The following SLC22A8 variants were observed in gnomAD, a reference collection of about 807,000 sequenced individuals.
SLC22A8 encodes solute carrier family 22 member 8, also known as organic anion transporter 3.
Under a neutral mutation model 48.4 loss-of-function variants are expected in SLC22A8, and 40 were observed. The ratio of observed to expected loss-of-function variants is 0.83; its 90% CI spans 0.64 to 1.08. The LOEUF (loss-of-function observed/expected upper bound fraction) is 1.08. SLC22A8 is among the 50% of genes least tolerant of loss of function. The probability of loss-of-function intolerance (pLI) is 0.00; values close to 1 mark genes in which losing one functional copy is unlikely to be tolerated. For missense variants in SLC22A8, 606 were observed against 699.0 expected (o/e 0.87, Z 1.50); for synonymous variants, 268 against 286.3 (o/e 0.94, Z 0.65).
intron 6 of SLC22A8, 91 bp downstream of exon 6, chr11:62,995,938 T>C: frequency 6.3e-7 from 1 of 1,580,880 alleles, no homozygotes. Context: ...TGGTATAGGC[T>C]GTGAGCCAGG....
At chr11:63,008,534 C>T (rs115634659) in intron 2 of SLC22A8, among the ~76,000 whole-genome samples, 5 of 152,256 alleles carry the variant, frequency 3.3e-5, no homozygotes, top group African/African-American at 9.6e-5. Flanking sequence ...ACTTAACCTC[C>T]GTGTGGCTCA....
rs983510050 is a variant in SLC22A8, at chr11:62,998,337, T to C, written c.761+584A>G. ...TGTTGGTAATGAGCTCTCTGCCCAC[T>C]CTGGGTCTCTGACCCAGGCACCTCC... On this transcript the variant is annotated intron_variant, in intron 5 of 10. Transcript: ENST00000336232. Among the ~76,000 whole-genome samples the C allele has an allele frequency of 3.9e-5, 6 of 152,148 alleles. No individual in the cohort carries two copies. The East Asian group carries it at 1.2e-3, about 29-fold the overall frequency.
chr11:62,993,329 G>A lies in SLC22A8; in HGVS notation c.1537C>T (p.Arg513Trp), dbSNP rs780060603. 28 of 1,613,718 alleles carry A rather than the reference G, an allele frequency of 1.7e-5. No individual in the cohort carries two copies. Among genetic ancestry groups the A allele is most frequent in the Middle Eastern group, 1.6e-4 (1 of 6,074 alleles). ...TIEDLENWSL[R>W]AKKPKQEPEV... ...GGCTCCTGCTTTGGCTTCTTTGCCC[G>A]CAGGGACCTAGGGACAGAGAGCTAA... The change falls in exon 11 of 11, where the codon CGG (arginine) becomes TGG (tryptophan). Residue 513 changes from arginine to tryptophan, a missense_variant. By Grantham distance (101) the Arg-to-Trp change is moderately radical. Transcript: ENST00000336232.
chr11:63,015,247 A>G (rs987234386), intron 1 of SLC22A8, among the ~76,000 whole-genome samples: 1 of 152,166 alleles, frequency 6.6e-6, no homozygotes, highest in Non-Finnish European at 1.5e-5. Flanking sequence ...ACACAAAGGT[A>G]TCTATGGGTA....
chr11:63,007,723 C>T (rs2086572284), intron 2 of SLC22A8, among the ~76,000 whole-genome samples: 1 of 152,198 alleles, frequency 6.6e-6, no homozygotes, highest in South Asian at 2.1e-4. Context: ...AACTCACTGC[C>T]ATGCCTTTCT....
chr11:63,000,940 A>G (rs2086486980), intron 2 of SLC22A8, 117 bp from the exon 3 acceptor site: 3 of 744,032 alleles, frequency 4.0e-6, no homozygotes, highest in African/African-American at 3.5e-5. Flanking sequence ...CTTTGCCCCT[A>G]CCTCCCAAGG....
rs1425206120 is a variant in SLC22A8, at chr11:62,993,523, A to C, written c.1430T>G (p.Ile477Ser). 2 of 1,614,070 alleles carry C rather than the reference A, an allele frequency of 1.2e-6. No individual in the cohort carries two copies. The highest frequency in any genetic ancestry group is 1.7e-6 in the Non-Finnish European group (2 of 1,180,034). The change falls in exon 10 of 11, where the codon ATC (isoleucine) becomes AGC (serine). Residue 477 changes from isoleucine to serine, a missense_variant. By Grantham distance (142) the Ile-to-Ser change is moderately radical. Coordinates refer to ENST00000336232, the MANE Select transcript of SLC22A8 (RefSeq NM_004254.4). The stretch of plus-strand genomic sequence containing the variant: ...CCCGAGGAGGGCGGTGATCCCGTAG[A>C]TGATATTGGGGATGAAGGGCTGTAC... ...GEVQPFIPNI[I>S]YGITALLGGS...
At chr11:63,013,041 C>CA (rs2086636665) in intron 2 of SLC22A8, among the ~76,000 whole-genome samples, 3 of 152,104 alleles carry the variant, frequency 2.0e-5, no homozygotes, top group Admixed American at 1.3e-4. Flanking sequence ...TGACCTCGAG[C>CA]AAGCTACTTA....
intron 6 of SLC22A8, 58 bp downstream of exon 6, chr11:62,995,971 C>A: frequency 6.2e-7 from 1 of 1,611,986 alleles, no homozygotes; most frequent in Non-Finnish European, 8.5e-7. Flanking sequence ...AGGGGAGGGG[C>A]CAGCCCAAGA....
rs563690874 is a variant in SLC22A8, at chr11:63,013,541, C to G, written c.333+1085G>C. On this transcript the variant is annotated intron_variant, in intron 2 of 10. Transcript: ENST00000336232. ...TCTGCTCACTGCTCAGACGCCACCT[C>G]CTCCATGAAGCCTCCCTTGAATCCA... 5.9e-5 allele frequency among the ~76,000 whole-genome samples: 9 copies of G among 152,294 alleles called. No individual in the cohort carries two copies. The South Asian group carries it at 1.5e-3, about 25-fold the overall frequency.
chr11:63,002,840 T>C (rs1195379200), intron 2 of SLC22A8, among the ~76,000 whole-genome samples: 1 of 152,224 alleles, frequency 6.6e-6, no homozygotes, highest in Non-Finnish European at 1.5e-5. Flanking sequence ...CTAAGCTCTT[T>C]CCATGTTTTA....
At chr11:63,006,383 G>T (rs61893812) in intron 2 of SLC22A8, among the ~76,000 whole-genome samples, 1 of 152,034 alleles carries the variant, frequency 6.6e-6, no homozygotes. Context: ...TTTTATGGTC[G>T]TCTGGCACAA....
chr11:63,001,613 G>A (rs1025738664), intron 2 of SLC22A8, among the ~76,000 whole-genome samples: 1 of 152,148 alleles, frequency 6.6e-6, no homozygotes, highest in African/African-American at 2.4e-5. Flanking sequence ...TTCACAGCTC[G>A]TTTCTCTCTG....
At chr11:62,994,106 C>A in intron 8 of SLC22A8, 1 of 576,720 alleles carries the variant, frequency 1.7e-6, no homozygotes. Flanking sequence ...TTGTTCTTGT[C>A]TTAAAATACC....
Position 63,009,782 on chromosome 11 carries a change from G to A in SLC22A8, c.333+4844C>T, listed in dbSNP as rs2086597284. Among the ~76,000 whole-genome samples, 4 of 152,136 alleles carry A rather than the reference G, an allele frequency of 2.6e-5. No homozygotes were observed. In the South Asian group the frequency reaches 8.3e-4, roughly 31 times the overall value. ...AGTGCTGGGCTTGTGCACTCCACCAGCTCAGCCCTCCAGCCCTCTTGCCCC... is the reference window on the plus strand; with the variant it reads ...AGTGCTGGGCTTGTGCACTCCACCAACTCAGCCCTCCAGCCCTCTTGCCCC... On this transcript the variant is annotated intron_variant, in intron 2 of 10. Coordinates refer to ENST00000336232, the MANE Select transcript of SLC22A8 (RefSeq NM_004254.4).
At position 62,994,534 on chromosome 11, in the gene SLC22A8, T is replaced by C; in HGVS notation, c.1216+8A>G. 6.3e-7 allele frequency: 1 copy of C among 1,589,436 alleles called. No individual in the cohort carries two copies. The highest frequency in any genetic ancestry group is 1.1e-5 in the South Asian group (1 of 88,358). ...CCAGAGGGTTCTGGGGTAGCCCCAG[T>C]CTCTCACCCAAGGGCACAAAGGTGA... On this transcript the variant is annotated splice_region_variant and intron_variant, in intron 8 of 10. Coordinates refer to ENST00000336232, the MANE Select transcript of SLC22A8 (RefSeq NM_004254.4).
intron 5 of SLC22A8, among the ~76,000 whole-genome samples, chr11:62,997,017 C>T (rs1447074745): frequency 6.6e-6 from 1 of 152,208 alleles, no homozygotes; most frequent in Non-Finnish European, 1.5e-5. Context: ...ATCACTCCTC[C>T]TGCCCTGATG....
At chr11:62,997,375 T>A (rs562316541) in intron 5 of SLC22A8, among the ~76,000 whole-genome samples, 20 of 152,038 alleles carry the variant, frequency 1.3e-4, no homozygotes, top group African/African-American at 4.8e-4. Flanking sequence ...CAGGCACGCA[T>A]CACCACACCC....
At chr11:63,009,377 G>C (rs1272502054) in intron 2 of SLC22A8, among the ~76,000 whole-genome samples, 1 of 152,092 alleles carries the variant, frequency 6.6e-6, no homozygotes, top group African/African-American at 2.4e-5. Context: ...CCACCCTGGA[G>C]AGGGTGGGGG....
Sources: gnomAD v4.1 joint callset for allele counts (sites outside exome capture counted in the v4.1 genomes callset) on GRCh38, gnomAD v4.1.1 for gene constraint, MANE v1.5 for transcripts, NCBI Gene and HGNC (gene_info 2026-07-23, HGNC 2026-07-21) for gene names.